The following PTPRM variants were observed in gnomAD, a reference collection of about 807,000 sequenced individuals.
PTPRM encodes the protein receptor-type tyrosine-protein phosphatase mu.
Under a neutral mutation model 186.7 loss-of-function variants are expected in PTPRM, and 47 were observed. That is an observed-to-expected ratio of 0.25 (90% CI 0.20 to 0.32). The LOEUF is 0.32. Ranked by LOEUF, PTPRM falls within the 10% of genes least tolerant of loss-of-function variation. The pLI is 1.00. For synonymous variants in PTPRM, 668 were observed against 674.9 expected, an observed-to-expected ratio of 0.99 and a Z score of 0.16; for missense variants, 1,494 against 1,865.0, an observed-to-expected ratio of 0.80 and a Z score of 3.66.
intron 1 of PTPRM, among the ~76,000 whole-genome samples, chr18:7,639,083 A>C (rs1361514864): frequency 6.6e-6 from 1 of 152,026 alleles, no homozygotes; most frequent in Admixed American, 6.6e-5. Flanking sequence ...CATTTTCTCC[A>C]ATTTGATTGA....
At chr18:7,755,475 G>A (rs914643603) in intron 1 of PTPRM, among the ~76,000 whole-genome samples, 17 of 152,172 alleles carry the variant, frequency 1.1e-4, no homozygotes, top group Non-Finnish European at 4.4e-5. Flanking sequence ...CAGAGGAGAG[G>A]GGCATGTGTG....
chr18:8,088,126 C>G (rs2145314870), intron 10 of PTPRM, among the ~76,000 whole-genome samples: 1 of 152,242 alleles, frequency 6.6e-6, no homozygotes, highest in Non-Finnish European at 1.5e-5. Context: ...TATAGAAGCT[C>G]TTATGCTAAT....
intron 7 of PTPRM, among the ~76,000 whole-genome samples, chr18:8,021,179 G>A (rs955813287): frequency 6.6e-6 from 1 of 152,074 alleles, no homozygotes; most frequent in Non-Finnish European, 1.5e-5. Context: ...TGTACTTGGC[G>A]ACAAGCCTTT....
chr18:7,858,088 T>C (rs922567992), intron 2 of PTPRM, among the ~76,000 whole-genome samples: 2 of 152,214 alleles, frequency 1.3e-5, no homozygotes, highest in Non-Finnish European at 2.9e-5. Context: ...AGGTTCATCA[T>C]AGATCTTATT....
Position 7,923,999 on chromosome 18 carries a change from G to A in PTPRM, c.548-2569G>A, listed in dbSNP as rs908641638. Among the ~76,000 whole-genome samples, 7 of 152,332 alleles carry A rather than the reference G, an allele frequency of 4.6e-5. No homozygotes were observed. The South Asian group carries it at 8.3e-4, about 18-fold the overall frequency. Reference sequence around the variant, plus strand: ...AGGTAAGAGATCTATAAAAGAGAGCGAATTTAGATTAGAACAAGGAAACAA... The same window carrying A: ...AGGTAAGAGATCTATAAAAGAGAGCAAATTTAGATTAGAACAAGGAAACAA... On this transcript the variant is annotated intron_variant, in intron 4 of 32. Coordinates refer to ENST00000580170, the MANE Select transcript of PTPRM (RefSeq NM_001105244.2).
At chr18:8,406,000 T>C (rs373467496) in intron 32 of PTPRM, 109 bp from the exon 33 acceptor site, 3 of 961,774 alleles carry the variant, frequency 3.1e-6, no homozygotes, top group Non-Finnish European at 1.7e-6. Context: ...CTAATTCAAA[T>C]CCTCCCAGAT....
chr18:8,077,728 A>T (rs937662052), intron 9 of PTPRM, among the ~76,000 whole-genome samples: 7 of 152,134 alleles, frequency 4.6e-5, no homozygotes, highest in African/African-American at 1.4e-4. Context: ...TAGTAACAGG[A>T]TTTTAAACTA....
chr18:7,602,921 A>C (rs959172593), intron 1 of PTPRM, among the ~76,000 whole-genome samples: 1 of 147,146 alleles, frequency 6.8e-6, no homozygotes, highest in Admixed American at 6.8e-5. Context: ...TATTATTATT[A>C]TTATTATTAT....
intron 1 of PTPRM, among the ~76,000 whole-genome samples, chr18:7,669,605 C>G (rs2039172471): frequency 6.6e-6 from 1 of 152,196 alleles, no homozygotes; most frequent in Non-Finnish European, 1.5e-5. Context: ...AGGGATAAGG[C>G]TAAAGGCAAT....
At chr18:7,863,940 C>T (rs1489828520) in intron 2 of PTPRM, among the ~76,000 whole-genome samples, 1 of 152,202 alleles carries the variant, frequency 6.6e-6, no homozygotes, top group Non-Finnish European at 1.5e-5. Context: ...TTGCATTTCT[C>T]TAATGACCAG....
At chr18:7,885,980 T>C (rs2048763608) in intron 2 of PTPRM, among the ~76,000 whole-genome samples, 1 of 152,216 alleles carries the variant, frequency 6.6e-6, no homozygotes, top group African/African-American at 2.4e-5. Context: ...CCGTCCTGTG[T>C]ATATTGCCGT....
chr18:7,733,548 G>A (rs1194544550), intron 1 of PTPRM, among the ~76,000 whole-genome samples: 2 of 152,116 alleles, frequency 1.3e-5, no homozygotes, highest in African/African-American at 2.4e-5. Flanking sequence ...GTAAACATAC[G>A]TGTGCATGTG....
chr18:7,849,966 A>C (rs887473746), intron 2 of PTPRM, among the ~76,000 whole-genome samples: 1 of 152,194 alleles, frequency 6.6e-6, no homozygotes, highest in Non-Finnish European at 1.5e-5. Flanking sequence ...TCCTAAACAC[A>C]TTCATGTGTT....
chr18:8,247,988 T>G, intron 16 of PTPRM, 69 bp downstream of exon 16: 1 of 1,422,772 alleles, frequency 7.0e-7, no homozygotes, highest in Non-Finnish European at 9.9e-7. Context: ...GCCCTCTCTC[T>G]GCTATCCCTG....
Position 7,988,170 on chromosome 18 carries a change from C to T in PTPRM, c.1132+32756C>T, listed in dbSNP as rs536754173. Among the ~76,000 whole-genome samples the T allele has an allele frequency of 3.9e-5, 6 of 151,930 alleles. No individual in the cohort carries two copies. In the East Asian group the frequency reaches 1.2e-3, roughly 29 times the overall value. On this transcript the variant is annotated intron_variant, in intron 7 of 32. Coordinates refer to ENST00000580170, the MANE Select transcript of PTPRM (RefSeq NM_001105244.2). ...ACTGCACTCCAGCTTGGGTGACAGA[C>T]CTAGGGGATCTGTTATCATGTTCAT... is the stretch of plus-strand genomic sequence containing the variant.
intron 13 of PTPRM, among the ~76,000 whole-genome samples, chr18:8,134,714 T>C (rs1281032997): frequency 6.6e-6 from 1 of 152,146 alleles, no homozygotes; most frequent in African/African-American, 2.4e-5. Flanking sequence ...AATTGTTCAT[T>C]CTTTCCTTTT....
In PTPRM at chr18:7,675,983, C is replaced by A. The variant is rs562889935; in HGVS notation, c.74-98166C>A. Among the ~76,000 whole-genome samples, 13 of 152,162 alleles carry A rather than the reference C, an allele frequency of 8.5e-5. 1 individual carries two copies. In the Middle Eastern group the frequency reaches 0.01, roughly 119 times the overall value. ...AACTCCTGATCTCAGGTGATCTGCC[C>A]GCCTCAGTCTCCCAAAGTGCTCGGA... On this transcript the variant is annotated intron_variant, in intron 1 of 32. Coordinates refer to ENST00000580170, the MANE Select transcript of PTPRM (RefSeq NM_001105244.2).
chr18:7,911,686 T>A (rs1240123889), intron 4 of PTPRM, among the ~76,000 whole-genome samples: 2 of 152,192 alleles, frequency 1.3e-5, no homozygotes, highest in Admixed American at 1.3e-4. Flanking sequence ...CTCATTTTCT[T>A]GATGGCATCC....
chr18:8,038,598 G>A (rs1336672657), intron 7 of PTPRM, among the ~76,000 whole-genome samples: 1 of 152,062 alleles, frequency 6.6e-6, no homozygotes, highest in Non-Finnish European at 1.5e-5. Context: ...CAACTTGTTG[G>A]CCAGGCTCAT....
Sources: allele counts gnomAD v4.1 joint callset (sites outside exome capture counted in the v4.1 genomes callset), GRCh38; gene constraint gnomAD v4.1.1; transcripts MANE v1.5; gene names NCBI Gene and HGNC (gene_info 2026-07-23, HGNC 2026-07-21).